The following CISD1 variants were observed in gnomAD, a reference collection of about 807,000 sequenced individuals.
CISD1 encodes CDGSH iron sulfur domain 1, also known as CDGSH iron-sulfur domain-containing protein 1.
In CISD1, 8 loss-of-function variants were observed where a neutral mutation model predicts 12.0. The observed-to-expected ratio is 0.67, with a 90% CI of 0.39 to 1.20. The LOEUF (loss-of-function observed/expected upper bound fraction) is 1.20. Ranked by LOEUF, CISD1 falls within the 50% of genes most tolerant of loss-of-function variation. The probability of loss-of-function intolerance (pLI) is 0.01; values close to 1 mark genes in which losing one functional copy is unlikely to be tolerated. For synonymous variants in CISD1, 38 were observed against 42.2 expected, an observed-to-expected ratio of 0.90 and a Z score of 0.39; for missense variants, 107 against 132.7, an observed-to-expected ratio of 0.81 and a Z score of 0.95.
At chr10:58,270,476 A>G (rs1203065262) in intron 1 of CISD1, among the ~76,000 whole-genome samples, 1 of 152,160 alleles carries the variant, frequency 6.6e-6, no homozygotes, top group East Asian at 1.9e-4. Context: ...TGGGATTAAG[A>G]CTTGTGAAAT....
intron 2 of CISD1, among the ~76,000 whole-genome samples, chr10:58,284,448 T>A (rs1240355574): frequency 1.3e-5 from 2 of 152,168 alleles, no homozygotes; most frequent in Non-Finnish European, 2.9e-5. Context: ...AAAAAATACG[T>A]CTCTGCACAA....
At chr10:58,283,184 C>T (rs1471466019) in intron 2 of CISD1, 2 of 151,954 alleles carry the variant, frequency 1.3e-5, no homozygotes, top group African/African-American at 4.8e-5. Flanking sequence ...AAGAGAAATC[C>T]TCCATCCTGT....
At chr10:58,286,486 T>G (rs1404537840) in intron 2 of CISD1, among the ~76,000 whole-genome samples, 3 of 152,140 alleles carry the variant, frequency 2.0e-5, no homozygotes, top group Non-Finnish European at 4.4e-5. Context: ...AAATCAAAAT[T>G]TAAAGTGTCC....
chr10:58,278,938 A>G (rs1229228675), intron 2 of CISD1, among the ~76,000 whole-genome samples: 1 of 152,192 alleles, frequency 6.6e-6, no homozygotes, highest in Non-Finnish European at 1.5e-5. Context: ...TGGTGGTGCT[A>G]TTATGCTGCT....
rs775881540 is a variant in CISD1 at position 58,277,140 on chromosome 10, A to G, written c.55A>G (p.Ile19Val). The change falls in exon 2 of 3, where the codon ATT becomes GTT. Residue 19 changes from isoleucine (I) to valine (V), a missense_variant. Ile to Val is a conservative substitution (Grantham distance 29, BLOSUM62 3). Transcript: ENST00000333926. ...VRVEWIAAVT[I>V]AAGTAAIGYL... ...AGTTGAATGGATCGCAGCAGTTACCATTGCTGCTGGGACAGCTGCAATTGG... is the reference window on the plus strand; with the variant it reads ...AGTTGAATGGATCGCAGCAGTTACCGTTGCTGCTGGGACAGCTGCAATTGG... 61 of 1,608,948 alleles carry G rather than the reference A, an allele frequency of 3.8e-5. 1 individual carries two copies. In the South Asian group the frequency reaches 6.6e-4, roughly 18 times the overall value.
chr10:58,287,229 A>G (rs1280812340), intron 2 of CISD1, among the ~76,000 whole-genome samples: 1 of 152,166 alleles, frequency 6.6e-6, no homozygotes, highest in Non-Finnish European at 1.5e-5. Context: ...CCGCAAATTG[A>G]TTTTAAATAA....
rs568430698 is a variant in CISD1, at chr10:58,284,639, A to T, written c.238-2922A>T. On this transcript the variant is annotated intron_variant, in intron 2 of 2. Transcript: ENST00000333926. Reference sequence around the variant, plus strand: ...TTCAGTTTTTAGGCAGAATTGGGTGATGAGAAAAAATGTATTCTCACTTTT... The same window carrying T: ...TTCAGTTTTTAGGCAGAATTGGGTGTTGAGAAAAAATGTATTCTCACTTTT... Among the ~76,000 whole-genome samples, 3 of 152,310 alleles carry T rather than the reference A, an allele frequency of 2.0e-5. No homozygotes were observed. The East Asian group carries it at 5.8e-4, about 29-fold the overall frequency.
At chr10:58,275,996 T>C (rs1186492588) in intron 1 of CISD1, 2 of 152,206 alleles carry the variant, frequency 1.3e-5, no homozygotes, top group Admixed American at 6.5e-5. Context: ...TTTGTACTTG[T>C]CTGTCTAGGG....
intron 2 of CISD1, among the ~76,000 whole-genome samples, chr10:58,281,075 T>A (rs1428901306): frequency 1.3e-5 from 2 of 152,240 alleles, no homozygotes; most frequent in Non-Finnish European, 2.9e-5. Context: ...AAGTAAAGGG[T>A]GTTTGCTTTG....
chr10:58,286,204 C>CA lies in CISD1; in HGVS notation c.238-1341dup, dbSNP rs755174757. 9.2e-3 allele frequency among the ~76,000 whole-genome samples: 792 copies of CA among 85,792 alleles called. 1 individual carries two copies. The highest frequency in any genetic ancestry group is 0.011 in the Non-Finnish European group (469 of 41,832). The allele number at this position is 85,792 out of a possible 152,430, so 56.3% of individuals were successfully genotyped here. On this transcript the variant is annotated intron_variant, in intron 2 of 2. Transcript: ENST00000333926. The stretch of plus-strand genomic sequence containing the variant: ...TGGGCGACAGAGCAAGACTCCGTTT[C>CA]AAAAAAAAAAAAAAAAGTAAAAAAA...
At chr10:58,274,631 T>C (rs1451133244) in intron 1 of CISD1, among the ~76,000 whole-genome samples, 1 of 151,920 alleles carries the variant, frequency 6.6e-6, no homozygotes, top group African/African-American at 2.4e-5. Context: ...GGGTCATAAG[T>C]GGCCCTTGCT....
intron 2 of CISD1, 28 bp from the exon 3 acceptor site, chr10:58,287,533 G>A (rs199867279): frequency 1.3e-6 from 2 of 1,514,690 alleles, no homozygotes; most frequent in Non-Finnish European, 9.1e-7. Context: ...GAGATTAGAT[G>A]TTTCACATTC....
At chr10:58,287,212 C>T (rs149563211) in intron 2 of CISD1, among the ~76,000 whole-genome samples, 12 of 152,306 alleles carry the variant, frequency 7.9e-5, no homozygotes, top group African/African-American at 2.6e-4. Flanking sequence ...TGAGCCATCG[C>T]GCCTGGCCGC....
At chr10:58,271,937 A>G (rs1467937696) in intron 1 of CISD1, among the ~76,000 whole-genome samples, 2 of 152,078 alleles carry the variant, frequency 1.3e-5, no homozygotes, top group African/African-American at 4.8e-5. Context: ...TTCACTGCCT[A>G]CTCGTCCAGT....
chr10:58,284,623 T>G (rs1011099864), intron 2 of CISD1, among the ~76,000 whole-genome samples: 2 of 152,208 alleles, frequency 1.3e-5, no homozygotes, highest in African/African-American at 2.4e-5. Context: ...TTTCAGTTTT[T>G]AGGCAGAATT....
intron 2 of CISD1, among the ~76,000 whole-genome samples, chr10:58,286,277 A>G (rs1839428937): frequency 6.6e-6 from 1 of 152,144 alleles, no homozygotes; most frequent in South Asian, 2.1e-4. Flanking sequence ...AAATGTTTAA[A>G]ATGCAAATAT....
At chr10:58,280,744 G>A (rs1839364860) in intron 2 of CISD1, among the ~76,000 whole-genome samples, 2 of 152,142 alleles carry the variant, frequency 1.3e-5, no homozygotes, top group Admixed American at 6.5e-5. Context: ...AGATGGAATG[G>A]GCCAGAGAGG....
intron 2 of CISD1, among the ~76,000 whole-genome samples, chr10:58,281,830 A>C (rs1464437211): frequency 6.6e-6 from 1 of 152,222 alleles, no homozygotes; most frequent in Non-Finnish European, 1.5e-5. Context: ...CAGGTTTCCC[A>C]ACCCTAATGA....
chr10:58,280,277 T>TAGAG (rs1195401183), intron 2 of CISD1, among the ~76,000 whole-genome samples: 1 of 152,054 alleles, frequency 6.6e-6, no homozygotes, highest in Non-Finnish European at 1.5e-5. Flanking sequence ...GTTTCAAACA[T>TAGAG]AGAGTTATGA....
Sources: gnomAD v4.1 joint callset for allele counts (sites outside exome capture counted in the v4.1 genomes callset) on GRCh38, gnomAD v4.1.1 for gene constraint, MANE v1.5 for transcripts, NCBI Gene and HGNC (gene_info 2026-07-23, HGNC 2026-07-21) for gene names.